PAPSS2: variants seen among roughly 807,000 people sequenced by gnomAD.
PAPSS2 encodes the protein bifunctional 3'-phosphoadenosine 5'-phosphosulfate synthase 2.
Under a neutral mutation model 66.5 loss-of-function variants are expected in PAPSS2, and 61 were observed. That is an observed-to-expected ratio of 0.92 (90% confidence interval 0.75 to 1.14). The LOEUF is 1.14. Ranked by LOEUF, PAPSS2 falls within the 50% of genes most tolerant of loss-of-function variation. PAPSS2 has a pLI of 0.00. For synonymous variants in PAPSS2, 289 were observed against 287.5 expected (o/e 1.01, Z -0.05); for missense variants, 708 against 789.6 (o/e 0.90, Z 1.24).
At chr10:87,723,371 G>C (rs1853619096) in intron 8 of PAPSS2, among the ~76,000 whole-genome samples, 2 of 152,150 alleles carry the variant, frequency 1.3e-5, no homozygotes, top group Admixed American at 6.5e-5. Context: ...GTGCTTTACA[G>C]TTTGCCCCCT....
intron 2 of PAPSS2, among the ~76,000 whole-genome samples, chr10:87,710,067 T>A (rs1312251307): frequency 1.3e-5 from 2 of 152,190 alleles, no homozygotes; most frequent in Non-Finnish European, 2.9e-5. Context: ...AAAAACCAAG[T>A]TCATTTCATA....
chr10:87,713,119 G>T lies in PAPSS2; in HGVS notation c.190G>T (p.Glu64Ter), dbSNP rs1371496288. ...GKTTISFALE[E>*]YLVSHAIPCY... ...AACAACGATAAGTTTTGCCCTGGAG[G>T]AGTACCTTGTCTCCCATGCCATCCC... The change falls in exon 3 of 13, where the codon GAG becomes TAG. Residue 64 changes from glutamate (E) to a stop codon, truncating the protein, a stop_gained. Transcript: ENST00000456849. LOFTEE classifies it high-confidence loss of function. 2 of 1,613,302 alleles carry T rather than the reference G, an allele frequency of 1.2e-6. No homozygotes were observed. The highest frequency in any genetic ancestry group is 1.7e-6 in the Non-Finnish European group (2 of 1,179,692).
At position 87,713,279 on chromosome 10, in the gene PAPSS2, G is replaced by A. The variant is rs779960703; in HGVS notation, c.350G>A (p.Cys117Tyr). The A allele has an allele frequency of 7.7e-7, 1 of 1,294,532 alleles. No homozygotes were observed. The highest frequency in any genetic ancestry group is 1.1e-6 in the Non-Finnish European group (1 of 942,596). The allele number at this position is 1,294,532 out of a possible 1,614,324, so 80.2% of individuals were successfully genotyped here. A position where few individuals can be genotyped will look rare whatever the true frequency, so the allele number is the denominator to read the frequency against. Residue 117 changes from cysteine (C) to tyrosine (Y), a missense_variant, in exon 3 of 13, where the codon TGC (cysteine) becomes TAC (tyrosine). Cys to Tyr is a radical substitution (Grantham distance 194). Transcript: ENST00000456849. ...AKLFADAGLV[C>Y]ITSFISPFAK... Reference sequence around the variant, plus strand: ...CTGTTTGCTGATGCTGGTCTGGTCTGCATTACCAGCTTTATTTCTCCATTC... The same window carrying A: ...CTGTTTGCTGATGCTGGTCTGGTCTACATTACCAGCTTTATTTCTCCATTC...
intron 1 of PAPSS2, among the ~76,000 whole-genome samples, chr10:87,673,943 G>A (rs1348069343): frequency 1.3e-5 from 2 of 151,998 alleles, no homozygotes; most frequent in Admixed American, 6.6e-5. Flanking sequence ...CTACCTCAGA[G>A]AGCCCTTTTC....
At chr10:87,701,430 C>CTCTT (rs201593419) in intron 1 of PAPSS2, among the ~76,000 whole-genome samples, 4,012 of 72,306 alleles carry the variant, frequency 0.055, 661 homozygotes, top group South Asian at 0.099. Context: ...CTCTCTCTCT[C>CTCTT]TCTTTCTTTC....
At chr10:87,689,051 A>AGGGCCG (rs931793210) in intron 1 of PAPSS2, among the ~76,000 whole-genome samples, 8 of 152,072 alleles carry the variant, frequency 5.3e-5, no homozygotes, top group Admixed American at 2.0e-4. Flanking sequence ...ACCAGGGGTC[A>AGGGCCG]GGGCCGGGGC....
intron 9 of PAPSS2, among the ~76,000 whole-genome samples, chr10:87,740,671 G>T (rs1853857472): frequency 6.6e-6 from 1 of 152,126 alleles, no homozygotes; most frequent in African/African-American, 2.4e-5. Flanking sequence ...CCATAATTGT[G>T]CAAAAAGGCT....
intron 1 of PAPSS2, among the ~76,000 whole-genome samples, chr10:87,661,268 G>T (rs1250265009): frequency 6.6e-6 from 1 of 152,032 alleles, no homozygotes; most frequent in African/African-American, 2.4e-5. Flanking sequence ...GGACCATACT[G>T]GACCAGCAGG....
chr10:87,743,348 T>A, intron 10 of PAPSS2, 25 bp from the exon 11 acceptor site: 1 of 1,612,256 alleles, frequency 6.2e-7, no homozygotes, highest in Non-Finnish European at 8.5e-7. Flanking sequence ...TCTGTGACCT[T>A]CCTTCTTCTG....
intron 7 of PAPSS2, among the ~76,000 whole-genome samples, chr10:87,717,370 C>A (rs2131712917): frequency 6.6e-6 from 1 of 152,152 alleles, no homozygotes; most frequent in Non-Finnish European, 1.5e-5. Context: ...AAGAAAAATA[C>A]TAGGGTGGTG....
At chr10:87,672,334 T>G (rs185844876) in intron 1 of PAPSS2, among the ~76,000 whole-genome samples, 2 of 152,362 alleles carry the variant, frequency 1.3e-5, no homozygotes. Context: ...GGCTTCATTT[T>G]CATTGGGAGA....
At chr10:87,700,610 A>C (rs1853290822) in intron 1 of PAPSS2, among the ~76,000 whole-genome samples, 1 of 151,680 alleles carries the variant, frequency 6.6e-6, no homozygotes, top group African/African-American at 2.4e-5. Context: ...GTGAGCCAGG[A>C]TCACACCACT....
At chr10:87,681,722 G>A (rs1157743177) in intron 1 of PAPSS2, among the ~76,000 whole-genome samples, 3 of 152,082 alleles carry the variant, frequency 2.0e-5, no homozygotes, top group Non-Finnish European at 4.4e-5. Context: ...TCCAAGTTCC[G>A]AGAAGCTACC....
chr10:87,714,863 G>A lies in PAPSS2; in HGVS notation c.639G>A (p.Gln213=), dbSNP rs755732841. Residue 213 remains glutamine (Q), a splice_region_variant and synonymous_variant, in exon 5 of 13, where the codon CAG becomes CAA. Coordinates refer to ENST00000456849, the MANE Select transcript of PAPSS2 (RefSeq NM_001015880.2). ...VHQVVELLQE[Q]NIVPYTIIKD... ...AGGTAGTGGAACTTCTGCAAGAGCA[G>A]GTAGGTGAACCGGTTGTCTTTTTTT... 3.8e-6 allele frequency: 6 copies of A among 1,582,020 alleles called. No homozygotes were observed. The highest frequency in any genetic ancestry group is 2.2e-5 in the East Asian group (1 of 44,756).
At chr10:87,700,208 A>G (rs1469798815) in intron 1 of PAPSS2, among the ~76,000 whole-genome samples, 1 of 152,140 alleles carries the variant, frequency 6.6e-6, no homozygotes, top group Non-Finnish European at 1.5e-5. Context: ...ATAATGATTC[A>G]TTTTTCTGTA....
At chr10:87,717,604 C>G (rs1468996131) in intron 7 of PAPSS2, among the ~76,000 whole-genome samples, 1 of 152,126 alleles carries the variant, frequency 6.6e-6, no homozygotes, top group African/African-American at 2.4e-5. Flanking sequence ...GCTCCATCAC[C>G]CAGGCTAGAG....
At chr10:87,669,934 G>C (rs1182638976) in intron 1 of PAPSS2, among the ~76,000 whole-genome samples, 1 of 152,174 alleles carries the variant, frequency 6.6e-6, no homozygotes, top group Admixed American at 6.6e-5. Context: ...ATGTATTACT[G>C]CTTCATTTGT....
rs1058800 is a variant in PAPSS2 at position 87,745,979 on chromosome 10, C to T, written c.*9C>T. 3.1e-6 allele frequency: 5 copies of T among 1,613,636 alleles called. No individual in the cohort carries two copies. The highest frequency in any genetic ancestry group is 4.2e-6 in the Non-Finnish European group (5 of 1,179,588). ...CCCTGGAGAAGAACTAAGCCTTTGG[C>T]TCCAGAGTTTCTTTCTGAAGTGCTC... On this transcript the variant is annotated 3_prime_UTR_variant, in exon 13 of 13. Coordinates refer to ENST00000456849, the MANE Select transcript of PAPSS2 (RefSeq NM_001015880.2).
chr10:87,678,865 A>C (rs1252547030), intron 1 of PAPSS2, among the ~76,000 whole-genome samples: 1 of 152,156 alleles, frequency 6.6e-6, no homozygotes, highest in East Asian at 1.9e-4. Flanking sequence ...GTGGAAAACA[A>C]ATGGAGATTT....
Sources: allele counts gnomAD v4.1 joint callset (sites outside exome capture counted in the v4.1 genomes callset), GRCh38; gene constraint gnomAD v4.1.1; transcripts MANE v1.5; gene names NCBI Gene and HGNC (gene_info 2026-07-23, HGNC 2026-07-21).